The following PKHD1L1 variants were observed in gnomAD, a reference collection of about 807,000 sequenced individuals.
PKHD1L1 encodes the protein PKHD1 like 1, also known as fibrocystin-L.
In PKHD1L1, 434 loss-of-function variants were observed where a neutral mutation model predicts 462.9. The observed-to-expected ratio is 0.94, with a 90% confidence interval of 0.87 to 1.02. The LOEUF (loss-of-function observed/expected upper bound fraction) is 1.02, where lower values mean the gene tolerates loss of function less well. Ranked by LOEUF, PKHD1L1 falls within the 50% of genes least tolerant of loss-of-function variation. The pLI is 0.00. For synonymous variants in PKHD1L1, 1,781 were observed against 1,750.0 expected (o/e 1.02, Z -0.44); for missense variants, 5,202 against 5,096.1 (o/e 1.02, Z -0.63).
chr8:109,439,631 T>A (rs1465456329), intron 32 of PKHD1L1, among the ~76,000 whole-genome samples: 1 of 152,016 alleles, frequency 6.6e-6, no homozygotes, highest in Non-Finnish European at 1.5e-5. Context: ...AAGAAATGGG[T>A]AGGAGGTGGC....
At chr8:109,374,443 ACT>A (rs1811696092) in intron 2 of PKHD1L1, among the ~76,000 whole-genome samples, 1 of 151,898 alleles carries the variant, frequency 6.6e-6, no homozygotes, top group African/African-American at 2.4e-5. Flanking sequence ...ATGGGTCTTG[ACT>A]CTTTATCCAA....
chr8:109,507,037 T>C, intron 68 of PKHD1L1, among the ~76,000 whole-genome samples: 1 of 152,298 alleles, frequency 6.6e-6, no homozygotes, highest in South Asian at 2.1e-4. Context: ...ATCTATAGAA[T>C]GGTTACTAAA....
chr8:109,523,324 A>T lies in PKHD1L1; in HGVS notation c.12422A>T (p.Asn4141Ile). 6.2e-7 allele frequency: 1 copy of T among 1,613,234 alleles called. No homozygotes were observed. The highest frequency in any genetic ancestry group is 8.5e-7 in the Non-Finnish European group (1 of 1,179,382). ...NNNQVNGLSGNTTIPFSSCWA... is the reference protein window; with the variant it reads ...NNNQVNGLSGITTIPFSSCWA... ...AACCAAGTCAATGGCCTTAGTGGAA[A>T]TACAACAATTCCGTTTAGCAGCTGT... The change falls in exon 76 of 78, where the codon AAT becomes ATT. Residue 4141 changes from asparagine (N) to isoleucine (I), a missense_variant. By Grantham distance (149) the Asn-to-Ile change is moderately radical (BLOSUM62 -3). Coordinates refer to ENST00000378402, the MANE Select transcript of PKHD1L1 (RefSeq NM_177531.6).
rs991831835 is a variant in PKHD1L1 at position 109,530,151 on chromosome 8, G to T, written c.*61G>T. On this transcript the variant is annotated 3_prime_UTR_variant, in exon 78 of 78. Coordinates refer to ENST00000378402, the MANE Select transcript of PKHD1L1 (RefSeq NM_177531.6). ...TAAGAATTATTAGCTACTTTGTTGG[G>T]CAATAGGCAAAAGTCTATAGCATTT... 2 of 1,064,066 alleles carry T rather than the reference G, an allele frequency of 1.9e-6. No individual in the cohort carries two copies. Among genetic ancestry groups the T allele is most frequent in the Non-Finnish European group, 2.5e-6 (2 of 792,392 alleles). The allele number at this position is 1,064,066 out of a possible 1,614,324, so 65.9% of individuals were successfully genotyped here. A position where few individuals can be genotyped will look rare whatever the true frequency, so the allele number is the denominator to read the frequency against.
chr8:109,527,878 C>A lies in PKHD1L1; in HGVS notation c.12721+858C>A, dbSNP rs185808759. On this transcript the variant is annotated intron_variant, in intron 77 of 77. Coordinates refer to ENST00000378402, the MANE Select transcript of PKHD1L1 (RefSeq NM_177531.6). ...TTTCCCAACAGTTCCAGAGAAAAGC[C>A]CCAAAGCTATGTCATTGACCTGGCT... Among the ~76,000 whole-genome samples, 946 of 152,292 alleles carry A rather than the reference C, an allele frequency of 6.2e-3. 9 individuals are homozygous for A. Among genetic ancestry groups the A allele is most frequent in the African/African-American group, 0.022 (903 of 41,538 alleles).
intron 9 of PKHD1L1, among the ~76,000 whole-genome samples, chr8:109,392,131 A>G (rs1427464950): frequency 6.6e-6 from 1 of 152,216 alleles, no homozygotes; most frequent in Non-Finnish European, 1.5e-5. Flanking sequence ...AACGTATTAG[A>G]AAACCATGTT....
At chr8:109,495,507 T>A (rs1445351298) in intron 63 of PKHD1L1, among the ~76,000 whole-genome samples, 1 of 152,034 alleles carries the variant, frequency 6.6e-6, no homozygotes, top group African/African-American at 2.4e-5. Flanking sequence ...CCTGTAATGG[T>A]ACATCAATTT....
chr8:109,458,420 C>T (rs899857650), intron 46 of PKHD1L1, among the ~76,000 whole-genome samples: 2 of 151,822 alleles, frequency 1.3e-5, no homozygotes, highest in Non-Finnish European at 2.9e-5. Flanking sequence ...CAATCAAAAC[C>T]GTTATTGAGT....
chr8:109,379,070 A>G (rs1168343479), intron 2 of PKHD1L1, among the ~76,000 whole-genome samples: 2 of 152,126 alleles, frequency 1.3e-5, no homozygotes, highest in Admixed American at 6.6e-5. Flanking sequence ...AGCCAACAAC[A>G]TGGACTCCCT....
intron 53 of PKHD1L1, among the ~76,000 whole-genome samples, chr8:109,478,294 G>A (rs963037740): frequency 6.6e-6 from 1 of 152,120 alleles, no homozygotes; most frequent in Non-Finnish European, 1.5e-5. Flanking sequence ...TATGTGCCAG[G>A]CATTTTGGAT....
chr8:109,501,837 A>C (rs912091561), intron 67 of PKHD1L1, among the ~76,000 whole-genome samples: 7 of 152,032 alleles, frequency 4.6e-5, no homozygotes, highest in Non-Finnish European at 1.0e-4. Flanking sequence ...GGTGGGAAAT[A>C]GCATGCCTTT....
At chr8:109,505,656 T>G (rs1390377027) in intron 68 of PKHD1L1, among the ~76,000 whole-genome samples, 1 of 152,116 alleles carries the variant, frequency 6.6e-6, no homozygotes, top group African/African-American at 2.4e-5. Flanking sequence ...CTCAGAATTT[T>G]GGGAGGCTGA....
chr8:109,408,036 C>G lies in PKHD1L1; in HGVS notation c.1814-13C>G, dbSNP rs1055114058. ...GTTAATGTCTACAAATTCTGTTTGTCACTTAATTTCAGGAGACTTTGATCT... is the reference window on the plus strand; with the variant it reads ...GTTAATGTCTACAAATTCTGTTTGTGACTTAATTTCAGGAGACTTTGATCT... On this transcript the variant is annotated splice_polypyrimidine_tract_variant and intron_variant, in intron 17 of 77. Coordinates refer to ENST00000378402, the MANE Select transcript of PKHD1L1 (RefSeq NM_177531.6). The G allele has an allele frequency of 6.4e-7, 1 of 1,562,050 alleles. No individual in the cohort carries two copies. Among genetic ancestry groups the G allele is most frequent in the South Asian group, 1.3e-5 (1 of 79,466 alleles).
At chr8:109,458,040 G>C (rs1174465271) in intron 46 of PKHD1L1, among the ~76,000 whole-genome samples, 1 of 151,902 alleles carries the variant, frequency 6.6e-6, no homozygotes, top group Admixed American at 6.6e-5. Context: ...AAACAGCTTT[G>C]TTCTCCTGTC....
intron 6 of PKHD1L1, among the ~76,000 whole-genome samples, chr8:109,386,504 G>A (rs1251352339): frequency 6.6e-6 from 1 of 152,046 alleles, no homozygotes; most frequent in Non-Finnish European, 1.5e-5. Context: ...ACATAATTTT[G>A]TAAAACAAGC....
intron 6 of PKHD1L1, 133 bp from the exon 7 acceptor site, chr8:109,388,364 G>T: frequency 1.5e-6 from 1 of 683,678 alleles, no homozygotes. Flanking sequence ...TTTGTTGAAT[G>T]CATGAGTGAG....
intron 2 of PKHD1L1, among the ~76,000 whole-genome samples, chr8:109,366,259 T>A (rs972174983): frequency 6.6e-6 from 1 of 152,234 alleles, no homozygotes; most frequent in Admixed American, 6.5e-5. Flanking sequence ...TTCTCATCCG[T>A]CCCAGTTTCT....
rs1487260043 is a variant in PKHD1L1 at position 109,533,537 on chromosome 8, G to T, written c.*3447G>T. On this transcript the variant is annotated 3_prime_UTR_variant, in exon 78 of 78. Coordinates refer to ENST00000378402, the MANE Select transcript of PKHD1L1 (RefSeq NM_177531.6). ...CAAAGACAATTTCCCAGCTTCACTT[G>T]CAGTGAGACTGATCAATTTCTGTGC... Among the ~76,000 whole-genome samples, 1 of 152,180 alleles carries T rather than the reference G, an allele frequency of 6.6e-6. No homozygotes were observed. The highest frequency in any genetic ancestry group is 2.4e-5 in the African/African-American group (1 of 41,428).
rs1201500052 is a variant in PKHD1L1 at position 109,396,230 on chromosome 8, C to T, written c.922+93C>T. ...AATAATAATAATAGTCTTTTCTCAACTCATGCCTTCAATTGGAAGCTGAGT... is the reference window on the plus strand; with the variant it reads ...AATAATAATAATAGTCTTTTCTCAATTCATGCCTTCAATTGGAAGCTGAGT... On this transcript the variant is annotated intron_variant, in intron 11 of 77. Transcript: ENST00000378402. The T allele has an allele frequency of 6.7e-6, 6 of 888,960 alleles. No individual in the cohort carries two copies. In the East Asian group the frequency reaches 1.1e-4, roughly 16 times the overall value. 55.1% of individuals were successfully genotyped at this position (888,960 alleles called of 1,614,324 possible).
Sources: allele counts gnomAD v4.1 joint callset (sites outside exome capture counted in the v4.1 genomes callset), GRCh38; gene constraint gnomAD v4.1.1; transcripts MANE v1.5; gene names NCBI Gene and HGNC (gene_info 2026-07-23, HGNC 2026-07-21).